TIAM1: variants seen among roughly 807,000 people sequenced by gnomAD.
TIAM1 encodes rho guanine nucleotide exchange factor TIAM1.
A neutral mutation model predicts 163.5 loss-of-function variants in TIAM1; 65 were observed. The observed-to-expected ratio is 0.40, with a 90% CI of 0.33 to 0.49. The LOEUF (loss-of-function observed/expected upper bound fraction) is 0.49. Ranked by LOEUF, TIAM1 falls within the 20% of genes least tolerant of loss-of-function variation. The probability of loss-of-function intolerance (pLI) is 0.77; values close to 1 mark genes in which losing one functional copy is unlikely to be tolerated. For missense variants in TIAM1, 1,789 were observed against 2,044.7 expected (o/e 0.87, Z 2.41); for synonymous variants, 833 against 810.1 (o/e 1.03, Z -0.48).
chr21:31,325,819 C>CTGT (rs1383929812), intron 2 of TIAM1, among the ~76,000 whole-genome samples: 1 of 152,008 alleles, frequency 6.6e-6, no homozygotes, highest in Non-Finnish European at 1.5e-5. Flanking sequence ...AGGTGTCACA[C>CTGT]GGAGGGGGCA....
intron 2 of TIAM1, among the ~76,000 whole-genome samples, chr21:31,415,525 T>C (rs1409513165): frequency 6.6e-6 from 1 of 152,206 alleles, no homozygotes; most frequent in Non-Finnish European, 1.5e-5. Flanking sequence ...CAGTTACTGA[T>C]GCTAGGACCC....
intron 2 of TIAM1, among the ~76,000 whole-genome samples, chr21:31,449,025 G>A (rs2044731017): frequency 6.6e-6 from 1 of 152,020 alleles, no homozygotes; most frequent in Non-Finnish European, 1.5e-5. Flanking sequence ...GAGTGCCATG[G>A]TACCATCATG....
intron 12 of TIAM1, among the ~76,000 whole-genome samples, chr21:31,200,302 A>G (rs2146515886): frequency 6.6e-6 from 1 of 152,172 alleles, no homozygotes; most frequent in East Asian, 1.9e-4. Context: ...GCGCCACTGC[A>G]CTCCAGACTG....
chr21:31,536,670 GGT>G (rs2048145955), intron 1 of TIAM1, among the ~76,000 whole-genome samples: 1 of 152,230 alleles, frequency 6.6e-6, no homozygotes, highest in Admixed American at 6.5e-5. Flanking sequence ...GCAGGGCTGG[GGT>G]GAGCAAGGAG....
intron 2 of TIAM1, among the ~76,000 whole-genome samples, chr21:31,353,600 C>T (rs1164036645): frequency 6.6e-6 from 1 of 152,048 alleles, no homozygotes; most frequent in Non-Finnish European, 1.5e-5. Context: ...CAAGGTACTA[C>T]TTATTACTAG....
At chr21:31,344,520 A>T (rs2147104574), upstream of TIAM1, among the ~76,000 whole-genome samples, 1 of 152,308 alleles carries the variant, frequency 6.6e-6, no homozygotes, top group East Asian at 1.9e-4. Context: ...GTGCTTGTCA[A>T]ATAATTTTCT....
At position 31,497,361 on chromosome 21, in the gene TIAM1, G is replaced by A. The variant is rs565104553; in HGVS notation, c.-421-33326C>T. Among the ~76,000 whole-genome samples, 15 of 152,262 alleles carry A rather than the reference G, an allele frequency of 9.9e-5. No homozygotes were observed. In the South Asian group the frequency reaches 1.0e-3, roughly 11 times the overall value. ...AATATCAAAACAAATAGTTATAAGA[G>A]TAAGGAAGCGTTATACTGATATGAT... On this transcript the variant is annotated intron_variant, in intron 1 of 28. Coordinates refer to the TIAM1 transcript ENST00000286827.
At chr21:31,256,620 C>CACACACAT in intron 4 of TIAM1, among the ~76,000 whole-genome samples, 1 of 150,696 alleles carries the variant, frequency 6.6e-6, no homozygotes, top group South Asian at 2.1e-4. Context: ...CACACACACA[C>CACACACAT]ACACACACGT....
At chr21:31,447,261 G>C (rs1338089773) in intron 2 of TIAM1, among the ~76,000 whole-genome samples, 1 of 152,050 alleles carries the variant, frequency 6.6e-6, no homozygotes, top group Non-Finnish European at 1.5e-5. Flanking sequence ...ATAGCTGGTA[G>C]CAACTGGGAA....
In TIAM1 at chr21:31,245,496, G is replaced by A; in HGVS notation, c.1576C>T (p.Leu526Phe). The A allele has an allele frequency of 6.6e-7, 1 of 1,504,364 alleles. No individual in the cohort carries two copies. The highest frequency in any genetic ancestry group is 8.9e-7 in the Non-Finnish European group (1 of 1,119,528). 93.2% of individuals were successfully genotyped at this position (1,504,364 alleles called of 1,614,324 possible). Residue 526 changes from leucine to phenylalanine, a missense_variant, in exon 6 of 28, where the codon CTT (leucine) becomes TTT (phenylalanine). By Grantham distance (22) the Leu-to-Phe change is conservative. Around this residue, in one of 5 missense-constraint regions of TIAM1, gnomAD observed 456 missense variants for 586.6 expected, o/e 0.78. Coordinates refer to ENST00000541036, the MANE Select transcript of TIAM1 (RefSeq NM_001353694.2). Reference sequence around the variant, plus strand: ...GGAAGTGCCCAACAAACCTGAAAAAGGAAGGCATCACCCAGGGAATTGCTG... The same window carrying A: ...GGAAGTGCCCAACAAACCTGAAAAAAGAAGGCATCACCCAGGGAATTGCTG... ...CLSNSLGDAFLFQTTSQTELE... is the reference protein window; with the variant it reads ...CLSNSLGDAFFFQTTSQTELE...
At chr21:31,377,638 G>A (rs941250277) in intron 2 of TIAM1, among the ~76,000 whole-genome samples, 1 of 152,096 alleles carries the variant, frequency 6.6e-6, no homozygotes, top group Non-Finnish European at 1.5e-5. Context: ...TCCTCAAACT[G>A]TACAGGACAT....
Position 31,120,896 on chromosome 21 carries a change from A to C in TIAM1, c.4307-59T>G. 6.8e-7 allele frequency: 1 copy of C among 1,466,028 alleles called. No homozygotes were observed. Among genetic ancestry groups the C allele is most frequent in the Non-Finnish European group, 9.1e-7 (1 of 1,101,904 alleles). The allele number at this position is 1,466,028 out of a possible 1,614,324, so 90.8% of individuals were successfully genotyped here. On this transcript the variant is annotated intron_variant, in intron 27 of 27. Coordinates refer to ENST00000541036, the MANE Select transcript of TIAM1 (RefSeq NM_001353694.2). The surrounding 1 kb of genome is among the most constrained non-coding windows in gnomAD (Gnocchi z 4.2). ...CCCCACATGCTTTACGTGAGATGAA[A>C]ATCCAGAAAGCAAAGGACAGGAGAA...
intron 15 of TIAM1, among the ~76,000 whole-genome samples, chr21:31,180,052 CCT>C (rs1249105698): frequency 2.0e-5 from 3 of 151,810 alleles, no homozygotes; most frequent in African/African-American, 7.3e-5. Context: ...ATTACAGGCG[CCT>C]GCCACCACGG....
intron 25 of TIAM1, among the ~76,000 whole-genome samples, chr21:31,128,576 G>C (rs140603127): frequency 8.5e-5 from 13 of 152,268 alleles, no homozygotes; most frequent in African/African-American, 3.1e-4. Flanking sequence ...TTCTAAGTAA[G>C]ACTTTAGTAT....
chr21:31,334,123 C>T (rs530186285), intron 2 of TIAM1, among the ~76,000 whole-genome samples: 1 of 152,344 alleles, frequency 6.6e-6, no homozygotes, highest in Non-Finnish European at 1.5e-5. Context: ...GGTTTGCATG[C>T]AGGCAATTGC....
intron 2 of TIAM1, among the ~76,000 whole-genome samples, chr21:31,315,679 C>CAACAAAAAAAAAAAA (rs2075094625): frequency 1.2e-5 from 1 of 80,250 alleles, no homozygotes; most frequent in Non-Finnish European, 2.5e-5. Context: ...AACTCCATCT[C>CAACAAAAAAAAAAAA]AAAAAAAAAA....
intron 2 of TIAM1, among the ~76,000 whole-genome samples, chr21:31,280,092 T>G (rs16988068): frequency 0.021 from 3,266 of 152,182 alleles, 56 homozygotes; most frequent in South Asian, 0.04. Context: ...CCTGCTTACA[T>G]TATGTTAAGA....
chr21:31,120,839 T>TGC lies in TIAM1; in HGVS notation c.4307-4_4307-3dup. On this transcript the variant is annotated splice_region_variant and splice_polypyrimidine_tract_variant and intron_variant, in intron 27 of 27. Coordinates refer to ENST00000541036, the MANE Select transcript of TIAM1 (RefSeq NM_001353694.2). This position sits in a 1 kb window ranked among gnomAD's most constrained non-coding sequence, Gnocchi z 4.2. ...CAAGAGACTTGCTTGGGGCAGACAC[T>TGC]GCACACACACACAAAAATATAAAAA... 1 of 1,594,496 alleles carries TGC rather than the reference T, an allele frequency of 6.3e-7. No homozygotes were observed. The highest frequency in any genetic ancestry group is 8.5e-7 in the Non-Finnish European group (1 of 1,170,856).
intron 1 of TIAM1, among the ~76,000 whole-genome samples, chr21:31,496,401 C>T (rs2046642457): frequency 4.1e-5 from 1 of 24,148 alleles, no homozygotes; most frequent in African/African-American, 2.1e-4. Context: ...ATCCAGGAGA[C>T]GAAGTTTGCA....
Sources: gnomAD v4.1 joint callset for allele counts (sites outside exome capture counted in the v4.1 genomes callset) on GRCh38, gnomAD v4.1.1 for gene constraint, gnomAD v4.1.1 regional missense constraint, Gnocchi (gnomAD v3.1) non-coding constraint, MANE v1.5 for transcripts, NCBI Gene and HGNC (gene_info 2026-07-23, HGNC 2026-07-21) for gene names.